Variants in PRKCQ observed in about 807,000 individuals in gnomAD.
The protein encoded by PRKCQ is protein kinase C theta type.
In PRKCQ, 41 loss-of-function variants were observed where a neutral mutation model predicts 91.2. The observed-to-expected ratio is 0.45, with a 90% CI of 0.35 to 0.58. The LOEUF is 0.58. PRKCQ is among the 20% of genes least tolerant of loss of function. The pLI is 0.00. For missense variants in PRKCQ, 673 were observed against 896.5 expected, an observed-to-expected ratio of 0.75 and a Z score of 3.18; for synonymous variants, 307 against 316.9, an observed-to-expected ratio of 0.97 and a Z score of 0.33.
intron 15 of PRKCQ, among the ~76,000 whole-genome samples, chr10:6,451,263 G>T (rs752387965): frequency 6.6e-6 from 1 of 151,050 alleles, no homozygotes; most frequent in Non-Finnish European, 1.5e-5. Context: ...TGATCCCACA[G>T]AAATACAAAC....
intron 1 of PRKCQ, among the ~76,000 whole-genome samples, chr10:6,540,600 T>C (rs1428252911): frequency 1.3e-5 from 2 of 152,230 alleles, no homozygotes; most frequent in East Asian, 3.8e-4. Context: ...GATATTCCAT[T>C]GTATGAATAT....
chr10:6,480,756 GC>G (rs1179229564), intron 11 of PRKCQ, among the ~76,000 whole-genome samples: 1 of 152,186 alleles, frequency 6.6e-6, no homozygotes. Flanking sequence ...TTTGGGAAAG[GC>G]CGAAGTCAAT....
chr10:6,571,517 C>T (rs1841044889), intron 1 of PRKCQ, among the ~76,000 whole-genome samples: 1 of 152,120 alleles, frequency 6.6e-6, no homozygotes, highest in Admixed American at 6.6e-5. Flanking sequence ...AAGAAAATAT[C>T]TTCCCTTGAT....
intron 2 of PRKCQ, among the ~76,000 whole-genome samples, chr10:6,514,588 G>A (rs1479938170): frequency 6.6e-6 from 1 of 152,194 alleles, no homozygotes; most frequent in African/African-American, 2.4e-5. Flanking sequence ...ATCCACTGAA[G>A]ATTCGCCAAA....
Position 6,430,773 on chromosome 10 carries a change from G to A in PRKCQ, c.1965+37C>T. 6.2e-7 allele frequency: 1 copy of A among 1,605,362 alleles called. No homozygotes were observed. The highest frequency in any genetic ancestry group is 8.5e-7 in the Non-Finnish European group (1 of 1,175,012). Reference sequence around the variant, plus strand: ...GCAGACGGCCCTGAGCGGAGGGAGAGTGGCTGACACCAAGCGGCCCATGAG... The same window carrying A: ...GCAGACGGCCCTGAGCGGAGGGAGAATGGCTGACACCAAGCGGCCCATGAG... On this transcript the variant is annotated intron_variant, in intron 17 of 17. Transcript: ENST00000263125. The surrounding 1 kb of genome is among the most constrained non-coding windows in gnomAD (Gnocchi z 4.7).
At chr10:6,510,845 C>A (rs946557774) in intron 3 of PRKCQ, 150 bp downstream of exon 3, 7 of 764,646 alleles carry the variant, frequency 9.2e-6, no homozygotes, top group Non-Finnish European at 1.5e-5. Flanking sequence ...ATAACCATCG[C>A]CATTATCAAA....
chr10:6,419,280 TTAAG>T, the PRKCQ span, among the ~76,000 whole-genome samples: 19 of 152,338 alleles, frequency 1.2e-4, no homozygotes, highest in South Asian at 1.7e-3. Context: ...TACGTATACA[TTAAG>T]TGTTTGTGTA....
chr10:6,453,749 T>C (rs1360673418), intron 15 of PRKCQ, among the ~76,000 whole-genome samples: 1 of 149,880 alleles, frequency 6.7e-6, no homozygotes, highest in Non-Finnish European at 1.5e-5. Flanking sequence ...CATAAAAAAA[T>C]GATGAGTTCA....
At chr10:6,425,535 A>G (rs888114448), downstream of PRKCQ, among the ~76,000 whole-genome samples, 1 of 152,072 alleles carries the variant, frequency 6.6e-6, no homozygotes, top group Admixed American at 6.6e-5. Context: ...TCTCTCACCT[A>G]TTAAATAGGG....
chr10:6,532,465 C>T (rs1386804676), intron 1 of PRKCQ, among the ~76,000 whole-genome samples: 1 of 152,090 alleles, frequency 6.6e-6, no homozygotes, highest in Non-Finnish European at 1.5e-5. Context: ...TACAGTCATC[C>T]CACCCCGACT....
chr10:6,428,513 T>A (rs1051432997), intron 17 of PRKCQ, 151 bp from the exon 18 acceptor site: 8 of 748,132 alleles, frequency 1.1e-5, no homozygotes, highest in Non-Finnish European at 2.2e-6. Context: ...CAGATGACCA[T>A]GCCCAGCTCT....
At chr10:6,435,718 CA>C (rs901549091) in intron 16 of PRKCQ, among the ~76,000 whole-genome samples, 2 of 152,130 alleles carry the variant, frequency 1.3e-5, no homozygotes, top group African/African-American at 4.8e-5. Context: ...ACAAAAATCA[CA>C]AAAAATGTCG....
chr10:6,578,186 T>C (rs1391960774), intron 1 of PRKCQ, among the ~76,000 whole-genome samples: 1 of 152,216 alleles, frequency 6.6e-6, no homozygotes, highest in Non-Finnish European at 1.5e-5. Flanking sequence ...CATCCCCTTG[T>C]TGCCTGAAGG....
chr10:6,554,403 G>C (rs1037771649), intron 1 of PRKCQ, among the ~76,000 whole-genome samples: 2 of 152,150 alleles, frequency 1.3e-5, no homozygotes, highest in African/African-American at 2.4e-5. Flanking sequence ...TATGAGAACA[G>C]TTTTCCTTTC....
intron 17 of PRKCQ, among the ~76,000 whole-genome samples, chr10:6,428,952 A>AAAAACC (rs1833268083): frequency 6.6e-6 from 1 of 152,262 alleles, no homozygotes; most frequent in Admixed American, 6.5e-5. Context: ...TTCATGGCAA[A>AAAAACC]AAAACCAAAA....
chr10:6,498,542 A>G lies in PRKCQ; in HGVS notation c.396T>C (p.Asn132=), dbSNP rs760681448. The change falls in exon 5 of 18, where the codon AAT becomes AAC. Residue 132 remains asparagine, a synonymous_variant. Transcript: ENST00000263125. ...CAAAGAAGCCTTCCGTCTCAAATTC[A>G]TTCATGTCCTTTGTGTCTACAGGAA... ...FLEMSDTKDM[N]EFETEGFFAL... 4 of 1,614,078 alleles carry G rather than the reference A, an allele frequency of 2.5e-6. No individual in the cohort carries two copies. The highest frequency in any genetic ancestry group is 2.5e-6 in the Non-Finnish European group (3 of 1,179,992).
chr10:6,441,728 A>C (rs1833982298), intron 16 of PRKCQ, among the ~76,000 whole-genome samples, 165 bp downstream of exon 16: 1 of 152,168 alleles, frequency 6.6e-6, no homozygotes, highest in South Asian at 2.1e-4. Flanking sequence ...TAATGCTCAT[A>C]ATATTGGTGC....
intron 14 of PRKCQ, among the ~76,000 whole-genome samples, chr10:6,458,353 C>T (rs1835139957): frequency 6.6e-6 from 1 of 152,118 alleles, no homozygotes; most frequent in Non-Finnish European, 1.5e-5. Context: ...CTGGAGCCAG[C>T]TGGAGAGGGC....
chr10:6,439,953 A>G (rs1833885521), intron 16 of PRKCQ, among the ~76,000 whole-genome samples: 2 of 152,158 alleles, frequency 1.3e-5, no homozygotes, highest in Admixed American at 1.3e-4. Context: ...CTCATCTTGA[A>G]TTATAATCCT....
Sources: allele counts gnomAD v4.1 joint callset (sites outside exome capture counted in the v4.1 genomes callset), GRCh38; gene constraint gnomAD v4.1.1; non-coding constraint Gnocchi (gnomAD v3.1); transcripts MANE v1.5; gene names NCBI Gene and HGNC (gene_info 2026-07-23, HGNC 2026-07-21).